The following GDAP1 variants were observed in gnomAD, a reference collection of about 807,000 sequenced individuals.
The protein encoded by GDAP1 is ganglioside induced differentiation associated protein 1, also known as ganglioside-induced differentiation-associated protein 1.
GDAP1 carries 34 observed loss-of-function variants against 40.1 expected under a neutral mutation model. The observed-to-expected ratio is 0.85, with a 90% CI of 0.64 to 1.13. The LOEUF is 1.13. Ranked by LOEUF, GDAP1 falls within the 50% of genes most tolerant of loss-of-function variation. GDAP1 has a pLI of 0.00. For synonymous variants in GDAP1, 170 were observed against 157.4 expected (o/e 1.08, Z -0.60); for missense variants, 374 against 433.7 (o/e 0.86, Z 1.22).
chr8:74,352,653 G>A (rs900884420), intron 2 of GDAP1, among the ~76,000 whole-genome samples: 6 of 152,216 alleles, frequency 3.9e-5, no homozygotes, highest in Admixed American at 1.3e-4. Flanking sequence ...TAGCTTTAGC[G>A]TAAACCAAAG....
rs189542264 is a variant in GDAP1 at position 74,417,058 on chromosome 8, C to T, written c.165+65737C>T. Among the ~76,000 whole-genome samples, 1,363 of 149,190 alleles carry T rather than the reference C, an allele frequency of 9.1e-3. 26 individuals carry two copies. Among genetic ancestry groups the T allele is most frequent in the Non-Finnish European group, 0.014 (944 of 67,978 alleles). ...TTGGAGAAGGGTACTTCTTCTCCCC[C>T]TCATTCACCACTCAGACACAGCTGG... On this transcript the variant is annotated intron_variant, in intron 2 of 2. Coordinates refer to the GDAP1 transcript ENST00000523640.
At chr8:74,397,199 GT>G (rs144276375) in intron 2 of GDAP1, among the ~76,000 whole-genome samples, 79,452 of 144,304 alleles carry the variant, frequency 0.55, 21,492 homozygotes, top group African/African-American at 0.63. Context: ...TTTTTGATGG[GT>G]TTTTTTTTTT....
chr8:74,370,936 C>T (rs187536771), downstream of GDAP1, among the ~76,000 whole-genome samples: 1 of 152,306 alleles, frequency 6.6e-6, no homozygotes, highest in African/African-American at 2.4e-5. Flanking sequence ...ATCATAAATA[C>T]ATATTCATCT....
chr8:74,386,651 T>C (rs1419001188), intron 2 of GDAP1, among the ~76,000 whole-genome samples: 1 of 152,216 alleles, frequency 6.6e-6, no homozygotes, highest in Non-Finnish European at 1.5e-5. Flanking sequence ...TTGCTTGTGA[T>C]TGTCTTGGCT....
chr8:74,424,957 TA>T (rs1192868719), intron 2 of GDAP1, among the ~76,000 whole-genome samples: 2 of 152,210 alleles, frequency 1.3e-5, no homozygotes, highest in Admixed American at 6.5e-5. Context: ...TTTATACTCC[TA>T]AGAATTCTTC....
chr8:74,394,504 C>T (rs183602909), intron 2 of GDAP1, among the ~76,000 whole-genome samples: 4 of 152,342 alleles, frequency 2.6e-5, no homozygotes, highest in Non-Finnish European at 5.9e-5. Flanking sequence ...CACATATTCA[C>T]ATCTCTGTGC....
At chr8:74,478,505 A>G (rs1806664672) in intron 2 of GDAP1, among the ~76,000 whole-genome samples, 1 of 152,074 alleles carries the variant, frequency 6.6e-6, no homozygotes, top group African/African-American at 2.4e-5. Flanking sequence ...TGGAGGCTGC[A>G]CCGCAAGCAG....
chr8:74,362,000 A>C, intron 4 of GDAP1, 22 bp downstream of exon 4: 1 of 1,185,268 alleles, frequency 8.4e-7, no homozygotes, highest in Non-Finnish European at 1.3e-6. Flanking sequence ...AGCTGTCCTC[A>C]GTTGACATAC....
At chr8:74,458,578 C>A (rs1806364052) in intron 2 of GDAP1, among the ~76,000 whole-genome samples, 1 of 152,156 alleles carries the variant, frequency 6.6e-6, no homozygotes, top group African/African-American at 2.4e-5. Flanking sequence ...GAAGAAGATA[C>A]TTTGATGAAT....
chr8:74,373,320 G>A (rs1809788411), intron 2 of GDAP1, among the ~76,000 whole-genome samples: 1 of 152,152 alleles, frequency 6.6e-6, no homozygotes, highest in Non-Finnish European at 1.5e-5. Context: ...TGATGGGGAT[G>A]GCATTGAATC....
intron 2 of GDAP1, among the ~76,000 whole-genome samples, chr8:74,422,920 G>GTA (rs1453736259): frequency 6.6e-5 from 10 of 151,272 alleles, no homozygotes; most frequent in African/African-American, 2.4e-4. Flanking sequence ...ATGTAGACAT[G>GTA]TATATATATA....
chr8:74,375,007 C>T (rs190238389), intron 2 of GDAP1, among the ~76,000 whole-genome samples: 89 of 152,170 alleles, frequency 5.8e-4, no homozygotes, highest in African/African-American at 2.0e-3. Flanking sequence ...ACCAGTATAA[C>T]CCTGATACCA....
rs114718040 is a variant in GDAP1 at position 74,404,701 on chromosome 8, C to T, written c.165+53380C>T. On this transcript the variant is annotated intron_variant, in intron 2 of 2. Coordinates refer to the GDAP1 transcript ENST00000523640. The stretch of plus-strand genomic sequence containing the variant: ...ATTGTCAGCTGATCTTTAGGGAGAC[C>T]GTTCTCTTTCCTCCATGACTTTTGA... 6.0e-4 allele frequency among the ~76,000 whole-genome samples: 90 copies of T among 149,738 alleles called. 7 individuals carry two copies. The highest frequency in any genetic ancestry group is 1.9e-3 in the African/African-American group (75 of 39,170).
At chr8:74,488,832 T>A (rs995428122) in exon 3 of GDAP1, 1 of 152,120 alleles carries the variant, frequency 6.6e-6, no homozygotes, top group African/African-American at 2.4e-5. Flanking sequence ...ACTTTAAAAA[T>A]TTTATTAGCA....
chr8:74,350,747 G>A (rs2131494747), intron 1 of GDAP1, among the ~76,000 whole-genome samples, 169 bp downstream of exon 1: 1 of 152,338 alleles, frequency 6.6e-6, no homozygotes, highest in South Asian at 2.1e-4. Flanking sequence ...TGGGGAGCGG[G>A]GAGAATCGAT....
chr8:74,356,594 G>A (rs1190552421), intron 2 of GDAP1, among the ~76,000 whole-genome samples: 1 of 149,064 alleles, frequency 6.7e-6, no homozygotes, highest in Non-Finnish European at 1.5e-5. Flanking sequence ...GCACTGAATT[G>A]TAATCAATCA....
At chr8:74,474,366 G>A (rs962995287) in intron 2 of GDAP1, among the ~76,000 whole-genome samples, 3 of 152,082 alleles carry the variant, frequency 2.0e-5, no homozygotes, top group Admixed American at 2.0e-4. Context: ...TCTTTGTCTT[G>A]TGCTGATTTT....
chr8:74,420,976 C>T (rs1805850120), intron 2 of GDAP1, among the ~76,000 whole-genome samples: 2 of 151,970 alleles, frequency 1.3e-5, no homozygotes, highest in Admixed American at 1.3e-4. Flanking sequence ...TCTCTTTCCT[C>T]ATCTTTATTG....
chr8:74,457,099 T>C (rs2131578419), intron 2 of GDAP1, among the ~76,000 whole-genome samples: 1 of 152,246 alleles, frequency 6.6e-6, no homozygotes, highest in South Asian at 2.1e-4. Flanking sequence ...ATTCTGTAAT[T>C]CTTTTTATGT....
Sources: gnomAD v4.1 joint callset for allele counts (sites outside exome capture counted in the v4.1 genomes callset) on GRCh38, gnomAD v4.1.1 for gene constraint, MANE v1.5 for transcripts, NCBI Gene and HGNC (gene_info 2026-07-23, HGNC 2026-07-21) for gene names.